The following TMEM154 variants were observed in gnomAD, a reference collection of about 807,000 sequenced individuals.
TMEM154 encodes transmembrane protein 154.
In TMEM154, 27 loss-of-function variants were observed where a neutral mutation model predicts 24.5. That is an observed-to-expected ratio of 1.10 (90% CI 0.81 to 1.52). The LOEUF (loss-of-function observed/expected upper bound fraction) is 1.52. Among genes scored for constraint, TMEM154 ranks in the 40% most tolerant of loss-of-function variants. TMEM154 has a pLI of 0.00. For missense variants in TMEM154, 228 were observed against 213.4 expected, an observed-to-expected ratio of 1.07 and a Z score of -0.43; for synonymous variants, 67 against 76.8, an observed-to-expected ratio of 0.87 and a Z score of 0.67.
intron 1 of TMEM154, among the ~76,000 whole-genome samples, chr4:152,671,473 C>T (rs546360707): frequency 1.5e-4 from 23 of 152,132 alleles, no homozygotes; most frequent in African/African-American, 5.3e-4. Context: ...CTAGGCCGGG[C>T]GCGGTGGCTC....
In TMEM154 at chr4:152,625,092, G is replaced by A. The variant is rs1428931479; in HGVS notation, c.*3454C>T. On this transcript the variant is annotated 3_prime_UTR_variant, in exon 7 of 7. Coordinates refer to ENST00000304385, the MANE Select transcript of TMEM154 (RefSeq NM_152680.3). ...CTATGTTTTCTTTAGTCAACATAAG[G>A]CCTTTTTTCAGAGATGGTGTGAATT... is the stretch of plus-strand genomic sequence containing the variant. 1 of 143,806 alleles carries A rather than the reference G, an allele frequency of 7.0e-6. No homozygotes were observed. Among genetic ancestry groups the A allele is most frequent in the South Asian group, 2.3e-4 (1 of 4,282 alleles). The allele number at this position is 143,806 out of a possible 1,614,324, so 8.9% of individuals were successfully genotyped here. A position where few individuals can be genotyped will look rare whatever the true frequency, so the allele number is the denominator to read the frequency against.
Position 152,624,504 on chromosome 4 carries a change from G to C in TMEM154, c.*4042C>G, listed in dbSNP as rs996660415. 1 of 152,138 alleles carries C rather than the reference G, an allele frequency of 6.6e-6. No individual in the cohort carries two copies. The highest frequency in any genetic ancestry group is 2.4e-5 in the African/African-American group (1 of 41,372). 9.4% of individuals were successfully genotyped at this position (152,138 alleles called of 1,614,324 possible). ...TAGTCCCAGCTACTTGGGAGGCTGA[G>C]GTAATAGAATCACCTGAGCCTGGGA... On this transcript the variant is annotated 3_prime_UTR_variant, in exon 7 of 7. Transcript: ENST00000304385.
chr4:152,661,649 C>T (rs887818410), intron 1 of TMEM154, among the ~76,000 whole-genome samples: 1 of 152,120 alleles, frequency 6.6e-6, no homozygotes, highest in Non-Finnish European at 1.5e-5. Context: ...AGAATTTGGA[C>T]AAATTACTTT....
chr4:152,650,087 T>C (rs1728344060), intron 3 of TMEM154, among the ~76,000 whole-genome samples: 1 of 152,184 alleles, frequency 6.6e-6, no homozygotes, highest in Admixed American at 6.6e-5. Flanking sequence ...TGCTGACTGA[T>C]CAGGGTGGTG....
At position 152,679,978 on chromosome 4, in the gene TMEM154, C is replaced by T. The variant is rs1729032074; in HGVS notation, c.-45G>A. ...GGCGCGCTCAGGATGCTGCGCCGGGCTGCAGCCTCTCTGAAACGTGAACAT... is the reference window on the plus strand; with the variant it reads ...GGCGCGCTCAGGATGCTGCGCCGGGTTGCAGCCTCTCTGAAACGTGAACAT... On this transcript the variant is annotated 5_prime_UTR_variant, in exon 1 of 7. Transcript: ENST00000304385. The T allele has an allele frequency of 6.5e-7, 1 of 1,549,394 alleles. No homozygotes were observed. The highest frequency in any genetic ancestry group is 1.9e-5 in the Admixed American group (1 of 54,034).
chr4:152,670,431 T>C (rs1728814085), intron 1 of TMEM154, among the ~76,000 whole-genome samples: 1 of 151,986 alleles, frequency 6.6e-6, no homozygotes, highest in Non-Finnish European at 1.5e-5. Flanking sequence ...CCATCTCTAC[T>C]GAAAATACAA....
chr4:152,635,501 G>C (rs1185112136), intron 6 of TMEM154, among the ~76,000 whole-genome samples: 1 of 152,156 alleles, frequency 6.6e-6, no homozygotes, highest in Non-Finnish European at 1.5e-5. Context: ...TGTAGACAGT[G>C]TCAGGCACAT....
At chr4:152,659,345 A>G (rs1579528468) in intron 1 of TMEM154, among the ~76,000 whole-genome samples, 2 of 152,292 alleles carry the variant, frequency 1.3e-5, no homozygotes, top group Middle Eastern at 3.4e-3. Context: ...ATAATTATAA[A>G]TATCAGAGGC....
chr4:152,651,781 C>T (rs964436753), intron 3 of TMEM154, among the ~76,000 whole-genome samples: 2 of 152,240 alleles, frequency 1.3e-5, no homozygotes, highest in Admixed American at 1.3e-4. Flanking sequence ...ATGTTTGGCA[C>T]AAGAGGCCTG....
chr4:152,676,846 T>C (rs943331857), intron 1 of TMEM154, among the ~76,000 whole-genome samples: 1 of 152,210 alleles, frequency 6.6e-6, no homozygotes, highest in African/African-American at 2.4e-5. Context: ...CATTCCTCTC[T>C]GTTTGGCCAC....
intron 1 of TMEM154, among the ~76,000 whole-genome samples, chr4:152,658,972 A>C (rs138260395): frequency 6.6e-6 from 1 of 152,242 alleles, no homozygotes. Context: ...CAAAAAACTA[A>C]CAAGAGAACT....
rs182221395 is a variant in TMEM154, at chr4:152,650,277, C to A, written c.364+2261G>T. On this transcript the variant is annotated intron_variant, in intron 3 of 6. Transcript: ENST00000304385. ...GAGACGATTCTCACAAAACCTGCCG[C>A]TGCTCTACCAACTATGTTTATGGAA... Among the ~76,000 whole-genome samples the A allele has an allele frequency of 2.2e-3, 334 of 152,230 alleles. 3 individuals are homozygous for A. The highest frequency in any genetic ancestry group is 7.8e-3 in the African/African-American group (324 of 41,536).
At position 152,621,474 on chromosome 4, in the gene TMEM154, C is replaced by G. The variant is rs1175200132; in HGVS notation, c.*7072G>C. 6.6e-6 allele frequency: 1 copy of G among 152,174 alleles called. No homozygotes were observed. Among genetic ancestry groups the G allele is most frequent in the Non-Finnish European group, 1.5e-5 (1 of 68,044 alleles). 9.4% of individuals were successfully genotyped at this position (152,174 alleles called of 1,614,324 possible). A position where few individuals can be genotyped will look rare whatever the true frequency, so the allele number is the denominator to read the frequency against. ...CATGCTCTTTGGGTCCATGCTGTCT[C>G]CAGTCTGGCTAAGTTCTAGTTAAAA... On this transcript the variant is annotated 3_prime_UTR_variant, in exon 7 of 7. Coordinates refer to ENST00000304385, the MANE Select transcript of TMEM154 (RefSeq NM_152680.3).
At chr4:152,660,911 A>C (rs1291181681) in intron 1 of TMEM154, among the ~76,000 whole-genome samples, 1 of 152,192 alleles carries the variant, frequency 6.6e-6, no homozygotes. Context: ...CTCTCTGAGG[A>C]AGGTGAATGA....
intron 1 of TMEM154, among the ~76,000 whole-genome samples, chr4:152,658,521 G>T (rs759201278): frequency 1.1e-4 from 17 of 150,906 alleles, no homozygotes; most frequent in Non-Finnish European, 1.5e-4. Flanking sequence ...TCATTGAATG[G>T]TTATTTTTGG....
chr4:152,659,004 C>A (rs1468867553), intron 1 of TMEM154, among the ~76,000 whole-genome samples: 1 of 152,130 alleles, frequency 6.6e-6, no homozygotes, highest in Non-Finnish European at 1.5e-5. Flanking sequence ...CTCAATCTCA[C>A]TACTGGGTAT....
rs554502168 is a variant in TMEM154, at chr4:152,647,437, G to A, written c.365-2995C>T. ...TGTTAAGCAGTTAGTGATCACGTCTGTGTTAAAGCATTGGCTGATAAGAGA... is the reference window on the plus strand; with the variant it reads ...TGTTAAGCAGTTAGTGATCACGTCTATGTTAAAGCATTGGCTGATAAGAGA... On this transcript the variant is annotated intron_variant, in intron 3 of 6. Coordinates refer to ENST00000304385, the MANE Select transcript of TMEM154 (RefSeq NM_152680.3). 137 of 595,854 alleles carry A rather than the reference G, an allele frequency of 2.3e-4. 2 individuals are homozygous for A. The South Asian group carries it at 9.2e-3, about 40-fold the overall frequency. The allele number at this position is 595,854 out of a possible 1,614,324, so 36.9% of individuals were successfully genotyped here.
intron 3 of TMEM154, 54 bp downstream of exon 3, chr4:152,652,484 G>A (rs367583080): frequency 5.0e-6 from 8 of 1,605,860 alleles, no homozygotes; most frequent in Non-Finnish European, 6.8e-6. Context: ...AAACATCTCT[G>A]CTCCTTCTCC....
At chr4:152,630,385 G>A (rs1457870963) in intron 6 of TMEM154, among the ~76,000 whole-genome samples, 2 of 147,728 alleles carry the variant, frequency 1.4e-5, no homozygotes, top group African/African-American at 2.5e-5. Flanking sequence ...ACTTAGAAAT[G>A]TTTCATCTGA....
Sources: allele counts gnomAD v4.1 joint callset (sites outside exome capture counted in the v4.1 genomes callset), GRCh38; gene constraint gnomAD v4.1.1; transcripts MANE v1.5; gene names NCBI Gene and HGNC (gene_info 2026-07-23, HGNC 2026-07-21).